MNDA: variants seen among roughly 807,000 people sequenced by gnomAD.
MNDA encodes the protein epididymis secretory sperm binding protein.
In MNDA, 43 loss-of-function variants were observed where a neutral mutation model predicts 37.8. The ratio of observed to expected loss-of-function variants is 1.14; its 90% confidence interval spans 0.89 to 1.47. MNDA has a LOEUF of 1.47. Among genes scored for constraint, MNDA ranks in the 40% most tolerant of loss-of-function variants. The pLI, the probability that MNDA is intolerant of heterozygous loss-of-function variation, is 0.00. For missense variants in MNDA, 536 were observed against 476.0 expected, an observed-to-expected ratio of 1.13 and a Z score of -1.17; for synonymous variants, 181 against 169.0, an observed-to-expected ratio of 1.07 and a Z score of -0.55.
intron 1 of MNDA, among the ~76,000 whole-genome samples, chr1:158,833,718 T>C (rs1176274207): frequency 6.6e-6 from 1 of 152,218 alleles, no homozygotes; most frequent in Non-Finnish European, 1.5e-5. Flanking sequence ...ATAAAATACG[T>C]AAGAAACCAT....
intron 3 of MNDA, 143 bp from the exon 4 acceptor site, chr1:158,843,812 T>G (rs919839085): frequency 2.9e-6 from 2 of 698,588 alleles, no homozygotes; most frequent in Non-Finnish European, 4.6e-6. Context: ...TATCTTCAAG[T>G]GACAGATTGT....
chr1:158,832,655 T>G (rs951881702), intron 1 of MNDA, among the ~76,000 whole-genome samples: 1 of 151,708 alleles, frequency 6.6e-6, no homozygotes, highest in Non-Finnish European at 1.5e-5. Context: ...TTTACCATTA[T>G]GTAGTGAAAC....
chr1:158,845,391 C>T (rs925589892), intron 4 of MNDA, among the ~76,000 whole-genome samples, 196 bp from the exon 5 acceptor site: 5 of 152,124 alleles, frequency 3.3e-5, no homozygotes, highest in Non-Finnish European at 7.4e-5. Context: ...ACGCCCGCTA[C>T]AACGCCCGGC....
At chr1:158,838,169 T>G (rs1658960474) in intron 1 of MNDA, among the ~76,000 whole-genome samples, 1 of 152,018 alleles carries the variant, frequency 6.6e-6, no homozygotes, top group Admixed American at 6.6e-5. Flanking sequence ...TATACTTACC[T>G]TTCATCAAGA....
Position 158,849,296 on chromosome 1 carries a change from AC to A in MNDA, c.*60del. 6.8e-7 allele frequency: 1 copy of A among 1,468,306 alleles called. No individual in the cohort carries two copies. Among genetic ancestry groups the A allele is most frequent in the African/African-American group, 1.4e-5 (1 of 71,242 alleles). 91.0% of individuals were successfully genotyped at this position (1,468,306 alleles called of 1,614,324 possible). On this transcript the variant is annotated 3_prime_UTR_variant, in exon 7 of 7. Coordinates refer to ENST00000368141, the MANE Select transcript of MNDA (RefSeq NM_002432.3). ...GCTTAAAACAATTAAGTTGTTAATA[AC>A]TGTGATTTTGTAAATTTCAGTAATT...
At chr1:158,832,764 A>G (rs915856773) in intron 1 of MNDA, among the ~76,000 whole-genome samples, 2 of 152,034 alleles carry the variant, frequency 1.3e-5, no homozygotes. Context: ...TAACTTTTCC[A>G]GCTCTTTCTC....
intron 1 of MNDA, among the ~76,000 whole-genome samples, chr1:158,837,562 A>T (rs900027651): frequency 6.6e-6 from 1 of 151,688 alleles, no homozygotes; most frequent in Non-Finnish European, 1.5e-5. Context: ...TATCTCTTTT[A>T]TTCCTTCACT....
At chr1:158,835,086 G>A (rs1027825464) in intron 1 of MNDA, among the ~76,000 whole-genome samples, 2 of 152,096 alleles carry the variant, frequency 1.3e-5, no homozygotes, top group African/African-American at 2.4e-5. Flanking sequence ...ATTAAAAAAG[G>A]CTATTTAAAG....
intron 1 of MNDA, among the ~76,000 whole-genome samples, chr1:158,839,172 T>A (rs1044186304): frequency 2.0e-5 from 3 of 152,126 alleles, no homozygotes; most frequent in African/African-American, 7.2e-5. Flanking sequence ...ACTGGACATT[T>A]GTAAAAACAG....
chr1:158,844,533 C>T (rs1558057565), intron 4 of MNDA, among the ~76,000 whole-genome samples: 1 of 150,068 alleles, frequency 6.7e-6, no homozygotes, highest in Non-Finnish European at 1.5e-5. Flanking sequence ...GATAAACAAA[C>T]TTGTCCTTTT....
intron 1 of MNDA, among the ~76,000 whole-genome samples, chr1:158,838,994 G>T (rs1296605250): frequency 1.3e-5 from 2 of 151,830 alleles, no homozygotes; most frequent in African/African-American, 4.8e-5. Flanking sequence ...TTATTTAGTT[G>T]TCTCTACCTA....
chr1:158,836,458 T>C (rs946937298), intron 1 of MNDA, among the ~76,000 whole-genome samples: 1 of 151,958 alleles, frequency 6.6e-6, no homozygotes, highest in Non-Finnish European at 1.5e-5. Context: ...AATTTGCAGG[T>C]TGTATGTTTC....
At chr1:158,846,549 A>G (rs1204048133) in intron 5 of MNDA, among the ~76,000 whole-genome samples, 3 of 152,156 alleles carry the variant, frequency 2.0e-5, no homozygotes, top group African/African-American at 4.8e-5. Flanking sequence ...ATTTATGAAG[A>G]TAGCATTGAA....
intron 6 of MNDA, 76 bp from the exon 7 acceptor site, chr1:158,849,114 G>A (rs1210591847): frequency 2.7e-6 from 3 of 1,120,508 alleles, no homozygotes; most frequent in Admixed American, 2.2e-5. Flanking sequence ...GATATGGCAG[G>A]TGAAAGGAGA....
In MNDA at chr1:158,849,373, T is replaced by A; in HGVS notation, c.*136T>A. The A allele has an allele frequency of 1.6e-6, 1 of 640,122 alleles. No individual in the cohort carries two copies. Among genetic ancestry groups the A allele is most frequent in the South Asian group, 3.4e-5 (1 of 29,478 alleles). 39.7% of individuals were successfully genotyped at this position (640,122 alleles called of 1,614,324 possible). The stretch of plus-strand genomic sequence containing the variant: ...TATTCTAGCATATTAAGAGCTTTTA[T>A]AACTGAGTTATAGATTAGTTTGCTT... On this transcript the variant is annotated 3_prime_UTR_variant, in exon 7 of 7. Coordinates refer to ENST00000368141, the MANE Select transcript of MNDA (RefSeq NM_002432.3).
intron 1 of MNDA, among the ~76,000 whole-genome samples, chr1:158,841,268 G>T (rs1659023900): frequency 6.6e-6 from 1 of 152,080 alleles, no homozygotes; most frequent in Non-Finnish European, 1.5e-5. Flanking sequence ...CAAAAAGAAA[G>T]ATACAGTTTA....
In MNDA at chr1:158,842,164, A is replaced by ACAAGCT. The variant is rs1659039492; in HGVS notation, c.11_12insCAAGCT (p.Glu4delinsAspLysLeu). On this transcript the variant is annotated protein_altering_variant, in exon 2 of 7. Transcript: ENST00000368141. Reference sequence around the variant, plus strand: ...GCTATAACATCAGAAATGGTGAATGAATACAAGAAAATTCTTTTGCTGAAA... The same window carrying ACAAGCT: ...GCTATAACATCAGAAATGGTGAATGACAAGCTATACAAGAAAATTCTTTTGCTGAAA... 1 of 1,610,162 alleles carries ACAAGCT rather than the reference A, an allele frequency of 6.2e-7. No individual in the cohort carries two copies. The highest frequency in any genetic ancestry group is 1.3e-5 in the African/African-American group (1 of 74,662).
chr1:158,843,237 C>G, intron 2 of MNDA, 42 bp from the exon 3 acceptor site: 1 of 1,559,930 alleles, frequency 6.4e-7, no homozygotes, highest in Non-Finnish European at 8.6e-7. Flanking sequence ...ATAAGCTATT[C>G]CACTCTAGGC....
intron 3 of MNDA, 44 bp from the exon 4 acceptor site, chr1:158,843,911 T>A (rs1659081631): frequency 6.6e-7 from 1 of 1,507,612 alleles, no homozygotes; most frequent in Admixed American, 2.3e-5. Context: ...CTCTGCTTCT[T>A]TTGATACTAA....
Sources: allele counts gnomAD v4.1 joint callset (sites outside exome capture counted in the v4.1 genomes callset), GRCh38; gene constraint gnomAD v4.1.1; transcripts MANE v1.5; gene names NCBI Gene and HGNC (gene_info 2026-07-23, HGNC 2026-07-21).